The following PLCXD3 variants were observed in gnomAD, a reference collection of about 807,000 sequenced individuals.
The protein encoded by PLCXD3 is PI-PLC X domain-containing protein 3.
Under a neutral mutation model 25.5 loss-of-function variants are expected in PLCXD3, and 19 were observed. The observed-to-expected ratio is 0.75, with a 90% CI of 0.52 to 1.09. PLCXD3 has a LOEUF of 1.09. Among genes scored for constraint, PLCXD3 ranks in the 50% least tolerant of loss-of-function variants. The pLI, the probability that PLCXD3 is intolerant of heterozygous loss-of-function variation, is 0.00. For missense variants in PLCXD3, 411 were observed against 388.1 expected (o/e 1.06, Z -0.50); for synonymous variants, 174 against 137.6 (o/e 1.26, Z -1.85).
At chr5:41,384,154 AAACTGCATGCCTTATCTTT>A (rs1467539293) in intron 1 of PLCXD3, among the ~76,000 whole-genome samples, 1 of 152,146 alleles carries the variant, frequency 6.6e-6, no homozygotes, top group Admixed American at 6.6e-5. Flanking sequence ...ATTTAATCTG[AAACTGCATGCCTTATCTTT>A]AGTAGATGGT....
intron 1 of PLCXD3, among the ~76,000 whole-genome samples, chr5:41,508,137 T>C (rs1032237316): frequency 6.6e-6 from 1 of 152,178 alleles, no homozygotes; most frequent in Non-Finnish European, 1.5e-5. Flanking sequence ...AGGAGATCCA[T>C]TTGAGTATAA....
chr5:41,314,926 A>G (rs986453825), intron 2 of PLCXD3, among the ~76,000 whole-genome samples: 4 of 152,192 alleles, frequency 2.6e-5, no homozygotes, highest in Admixed American at 6.5e-5. Context: ...AAAATCAAGG[A>G]AAGTCTTCTG....
At chr5:41,424,066 C>A (rs1212594199) in intron 1 of PLCXD3, among the ~76,000 whole-genome samples, 1 of 152,162 alleles carries the variant, frequency 6.6e-6, no homozygotes, top group Admixed American at 6.5e-5. Context: ...AATTATTTGT[C>A]TTGCAAAATT....
At chr5:41,365,761 C>T (rs1267161476) in intron 2 of PLCXD3, among the ~76,000 whole-genome samples, 1 of 152,140 alleles carries the variant, frequency 6.6e-6, no homozygotes, top group Non-Finnish European at 1.5e-5. Flanking sequence ...TTCCCCACCT[C>T]AATTTTTTTT....
chr5:41,369,678 C>T (rs1745036640), intron 2 of PLCXD3, among the ~76,000 whole-genome samples: 1 of 152,080 alleles, frequency 6.6e-6, no homozygotes, highest in Admixed American at 6.6e-5. Flanking sequence ...GGGGTTTCAC[C>T]ATGTTGGCCA....
At chr5:41,372,031 G>C (rs1745109669) in intron 2 of PLCXD3, among the ~76,000 whole-genome samples, 1 of 152,048 alleles carries the variant, frequency 6.6e-6, no homozygotes, top group Non-Finnish European at 1.5e-5. Context: ...ACTTGACTGA[G>C]TAAATATCCC....
chr5:41,350,906 T>C (rs545734566), intron 2 of PLCXD3, among the ~76,000 whole-genome samples: 2 of 152,272 alleles, frequency 1.3e-5, no homozygotes, highest in South Asian at 4.1e-4. Flanking sequence ...GCTTATTTTG[T>C]ACAACTTTAT....
chr5:41,419,846 G>A (rs1301387134), intron 1 of PLCXD3, among the ~76,000 whole-genome samples: 1 of 152,064 alleles, frequency 6.6e-6, no homozygotes, highest in Non-Finnish European at 1.5e-5. Flanking sequence ...GGTAATACAT[G>A]GAAAACACTT....
chr5:41,349,574 T>C (rs979567652), intron 2 of PLCXD3, among the ~76,000 whole-genome samples: 2 of 152,142 alleles, frequency 1.3e-5, no homozygotes, highest in African/African-American at 2.4e-5. Flanking sequence ...GGATGTGGAG[T>C]TGAAGATGAA....
intron 2 of PLCXD3, among the ~76,000 whole-genome samples, chr5:41,380,762 A>G (rs1745434621): frequency 6.6e-6 from 1 of 152,160 alleles, no homozygotes; most frequent in African/African-American, 2.4e-5. Flanking sequence ...AGTGAAAGAT[A>G]AAAATAAGAG....
intron 2 of PLCXD3, among the ~76,000 whole-genome samples, chr5:41,328,817 A>C (rs1340893925): frequency 1.3e-5 from 2 of 152,208 alleles, no homozygotes; most frequent in Non-Finnish European, 2.9e-5. Context: ...AAGATTTAAG[A>C]GTTGGAAATG....
In PLCXD3 at chr5:41,479,719, G is replaced by C. The variant is rs139715463; in HGVS notation, c.103+30705C>G. On this transcript the variant is annotated intron_variant, in intron 1 of 2. Transcript: ENST00000377801. ...TTAGTACTCTGCTGAGAGGGAGAGA[G>C]AGAGAGAGAAAGAGAGAGAGAGAGA... Among the ~76,000 whole-genome samples, 249 of 150,496 alleles carry C rather than the reference G, an allele frequency of 1.7e-3. 1 individual carries two copies. The highest frequency in any genetic ancestry group is 6.0e-3 in the African/African-American group (241 of 39,992).
At chr5:41,336,664 G>T (rs1743989319) in intron 2 of PLCXD3, among the ~76,000 whole-genome samples, 1 of 152,044 alleles carries the variant, frequency 6.6e-6, no homozygotes, top group African/African-American at 2.4e-5. Context: ...ATTGCCCTCG[G>T]CAAAAGAAAG....
At chr5:41,331,073 A>G (rs569852120) in intron 2 of PLCXD3, among the ~76,000 whole-genome samples, 2,220 of 152,186 alleles carry the variant, frequency 0.015, 68 homozygotes, top group African/African-American at 0.051. Context: ...CCTATTCAAC[A>G]TAGTGTTGGA....
chr5:41,423,566 TG>T (rs1286004386), intron 1 of PLCXD3, among the ~76,000 whole-genome samples: 2 of 152,064 alleles, frequency 1.3e-5, no homozygotes, highest in African/African-American at 4.8e-5. Flanking sequence ...TTAATTTTGT[TG>T]ACTCCATATT....
At chr5:41,452,954 AATAG>A (rs1305313176) in intron 1 of PLCXD3, among the ~76,000 whole-genome samples, 10 of 152,024 alleles carry the variant, frequency 6.6e-5, no homozygotes, top group African/African-American at 2.4e-4. Flanking sequence ...TACATTGTGG[AATAG>A]ATAAATAACC....
Position 41,313,640 on chromosome 5 carries a change from C to T in PLCXD3, c.943G>A (p.Asp315Asn), listed in dbSNP as rs915350053. Reference protein sequence around the residue: ...STVIKLNYVFDEGEANT With the variant: ...STVIKLNYVFNEGEANT ...TATCAAGTGTTGGCTTCTCCTTCAT[C>T]AAAGACATAGTTGAGCTTTATGACA... The change falls in exon 3 of 3, where the codon GAT becomes AAT. Residue 315 changes from aspartate (D) to asparagine (N), a missense_variant. Transcript: ENST00000377801. 6.2e-7 allele frequency: 1 copy of T among 1,613,834 alleles called. No individual in the cohort carries two copies.
intron 1 of PLCXD3, among the ~76,000 whole-genome samples, chr5:41,385,066 T>C (rs1426834537): frequency 6.6e-6 from 1 of 152,160 alleles, no homozygotes; most frequent in Non-Finnish European, 1.5e-5. Context: ...TTATTTGGAA[T>C]AGTACTTCCC....
At position 41,312,033 on chromosome 5, in the gene PLCXD3, T is replaced by C. The variant is rs1561227382; in HGVS notation, c.*1584A>G. The C allele has an allele frequency of 1.3e-5, 2 of 152,424 alleles. No individual in the cohort carries two copies. Among genetic ancestry groups the C allele is most frequent in the African/African-American group, 4.8e-5 (2 of 41,416 alleles). 9.4% of individuals were successfully genotyped at this position (152,424 alleles called of 1,614,324 possible). ...TAAGAATTTCATCAAATTTTATAAT[T>C]TTATAAACACCTCACAATATTCCTG... On this transcript the variant is annotated 3_prime_UTR_variant, in exon 3 of 3. Transcript: ENST00000377801.
Sources: allele counts gnomAD v4.1 joint callset (sites outside exome capture counted in the v4.1 genomes callset), GRCh38; gene constraint gnomAD v4.1.1; transcripts MANE v1.5; gene names NCBI Gene and HGNC (gene_info 2026-07-23, HGNC 2026-07-21).